ERC1: variants seen among roughly 807,000 people sequenced by gnomAD.
ERC1 encodes ELKS/RAB6-interacting/CAST family member 1, also known as RAB6 interacting protein 2.
ERC1 carries 56 observed loss-of-function variants against 132.0 expected under a neutral mutation model. That is an observed-to-expected ratio of 0.42 (90% CI 0.34 to 0.53). The LOEUF (loss-of-function observed/expected upper bound fraction) is 0.53. Among genes scored for constraint, ERC1 ranks in the 20% least tolerant of loss-of-function variants. The pLI is 0.03. For missense variants in ERC1, 1,202 were observed against 1,349.9 expected, an observed-to-expected ratio of 0.89 and a Z score of 1.72; for synonymous variants, 478 against 476.1, an observed-to-expected ratio of 1.00 and a Z score of -0.05.
At chr12:1,299,691 A>C (rs941476932) in intron 15 of ERC1, among the ~76,000 whole-genome samples, 1 of 151,864 alleles carries the variant, frequency 6.6e-6, no homozygotes, top group Non-Finnish European at 1.5e-5. Flanking sequence ...AAAATTCACA[A>C]AATTCATAAC....
Position 1,135,106 on chromosome 12 carries a change from GAAC to G in ERC1, c.1570-6512_1570-6510del, listed in dbSNP as rs201134595. Among the ~76,000 whole-genome samples the G allele has an allele frequency of 4.6e-3, 708 of 152,302 alleles. 5 individuals are homozygous for G. The highest frequency in any genetic ancestry group is 0.016 in the African/African-American group (683 of 41,566). ...GAATGGTAATGGAAGGGAACATTCA[GAAC>G]ATTTGGGTGCCTGAGGCTTCTCTAG... is the stretch of plus-strand genomic sequence containing the variant. On this transcript the variant is annotated intron_variant, in intron 7 of 18. Transcript: ENST00000360905.
intron 15 of ERC1, among the ~76,000 whole-genome samples, chr12:1,334,502 A>G (rs2083144894): frequency 1.3e-5 from 2 of 152,148 alleles, no homozygotes; most frequent in Admixed American, 6.5e-5. Context: ...CCTTTCCTTC[A>G]TTGCTTGCTT....
chr12:1,235,486 G>A (rs1268557542), intron 12 of ERC1, among the ~76,000 whole-genome samples: 1 of 152,126 alleles, frequency 6.6e-6, no homozygotes, highest in Non-Finnish European at 1.5e-5. Context: ...ATACCTATAA[G>A]TCATTAAGAA....
At chr12:1,232,315 G>A (rs1309166916) in intron 12 of ERC1, among the ~76,000 whole-genome samples, 1 of 152,142 alleles carries the variant, frequency 6.6e-6, no homozygotes, top group Non-Finnish European at 1.5e-5. Flanking sequence ...TTGAGCTTTT[G>A]AGCTTCATGA....
intron 4 of ERC1, among the ~76,000 whole-genome samples, chr12:1,105,205 G>T (rs531232036): frequency 1.3e-5 from 2 of 152,056 alleles, no homozygotes; most frequent in Admixed American, 6.6e-5. Flanking sequence ...ATAGTGTTCC[G>T]TGAAGAAAAT....
chr12:1,365,931 G>A (rs1213681062), intron 15 of ERC1, among the ~76,000 whole-genome samples: 3 of 152,162 alleles, frequency 2.0e-5, no homozygotes, highest in Non-Finnish European at 1.5e-5. Context: ...GATGAACCTT[G>A]AAAACATCAT....
intron 17 of ERC1, among the ~76,000 whole-genome samples, chr12:1,416,083 C>G (rs939389477): frequency 2.6e-5 from 4 of 152,206 alleles, no homozygotes; most frequent in Non-Finnish European, 1.5e-5. Flanking sequence ...ATTTTCCAGT[C>G]TAGTTCCTTG....
intron 15 of ERC1, among the ~76,000 whole-genome samples, chr12:1,349,500 T>TA: frequency 6.6e-6 from 1 of 151,878 alleles, no homozygotes; most frequent in African/African-American, 2.4e-5. Flanking sequence ...CCCTCTCTAC[T>TA]AAAAAATACA....
At chr12:1,359,575 C>T (rs886207906) in intron 15 of ERC1, among the ~76,000 whole-genome samples, 4 of 152,110 alleles carry the variant, frequency 2.6e-5, no homozygotes, top group Non-Finnish European at 5.9e-5. Context: ...GGCCACACCC[C>T]GCTTCCTCGT....
intron 16 of ERC1, among the ~76,000 whole-genome samples, chr12:1,403,202 T>G (rs931376720): frequency 2.6e-5 from 4 of 152,226 alleles, no homozygotes; most frequent in South Asian, 4.1e-4. Flanking sequence ...CCTTCTTCCC[T>G]TCTTCCTTTT....
rs553132623 is a variant in ERC1, at chr12:1,458,466, C to T, written c.3213+13716C>T. 7.9e-5 allele frequency among the ~76,000 whole-genome samples: 12 copies of T among 151,200 alleles called. No individual in the cohort carries two copies. The East Asian group carries it at 2.3e-3, about 29-fold the overall frequency. The stretch of plus-strand genomic sequence containing the variant: ...TTAACAGATAAATAGATTTAGATTT[C>T]TCTGTGTGTATGTGTGTTTATATAT... On this transcript the variant is annotated intron_variant, in intron 18 of 18. Transcript: ENST00000360905.
chr12:1,103,881 A>T lies in ERC1; in HGVS notation c.1087-869A>T, dbSNP rs117217438. Among the ~76,000 whole-genome samples, 656 of 152,238 alleles carry T rather than the reference A, an allele frequency of 4.3e-3. 4 individuals carry two copies. Among genetic ancestry groups the T allele is most frequent in the Non-Finnish European group, 7.8e-3 (533 of 68,010 alleles). The stretch of plus-strand genomic sequence containing the variant: ...ATGTAGAGTTTGAAATGTTTGTTGG[A>T]CATGAAAGTGAGATGACTAGGTGGA... On this transcript the variant is annotated intron_variant, in intron 3 of 18. Coordinates refer to ENST00000360905, the MANE Select transcript of ERC1 (RefSeq NM_178040.4).
intron 18 of ERC1, among the ~76,000 whole-genome samples, chr12:1,465,461 A>T (rs1344705503): frequency 6.6e-6 from 1 of 152,238 alleles, no homozygotes; most frequent in Non-Finnish European, 1.5e-5. Context: ...GGCACTCAGC[A>T]CACCTGAAGG....
In ERC1 at chr12:1,493,631, G is replaced by C. The variant is rs2094339058; in HGVS notation, c.*3401G>C. ...CTCTAACCTTTTAACCTTTGTCCTT[G>C]CACTTTACAATCTAAAGATCTACCT... On this transcript the variant is annotated 3_prime_UTR_variant, in exon 19 of 19. Transcript: ENST00000360905. 2 of 115,026 alleles carry C rather than the reference G, an allele frequency of 1.7e-5. No homozygotes were observed. Among genetic ancestry groups the C allele is most frequent in the African/African-American group, 6.5e-5 (2 of 30,678 alleles). The allele number at this position is 115,026 out of a possible 1,614,324, so 7.1% of individuals were successfully genotyped here. A position where few individuals can be genotyped will look rare whatever the true frequency, so the allele number is the denominator to read the frequency against.
chr12:1,236,160 G>A (rs903075749), intron 12 of ERC1, among the ~76,000 whole-genome samples: 9 of 151,880 alleles, frequency 5.9e-5, no homozygotes, highest in African/African-American at 1.5e-4. Context: ...AATAATAAAA[G>A]CAAAGGGATT....
intron 3 of ERC1, among the ~76,000 whole-genome samples, chr12:1,084,299 C>A (rs1942657315): frequency 6.6e-6 from 1 of 152,174 alleles, no homozygotes; most frequent in Non-Finnish European, 1.5e-5. Context: ...AGGTAATTTT[C>A]ACTTTTGGGC....
chr12:1,309,514 A>G (rs142099268), intron 15 of ERC1, among the ~76,000 whole-genome samples: 55 of 152,272 alleles, frequency 3.6e-4, no homozygotes, highest in African/African-American at 1.3e-3. Flanking sequence ...TATCAGAATG[A>G]TTATGAATTT....
At chr12:1,292,548 C>G (rs909853223) in intron 15 of ERC1, among the ~76,000 whole-genome samples, 1 of 152,154 alleles carries the variant, frequency 6.6e-6, no homozygotes, top group African/African-American at 2.4e-5. Flanking sequence ...ATCCAAATAT[C>G]TCTGTGTTAA....
At chr12:1,442,022 G>T (rs2093169280) in intron 17 of ERC1, among the ~76,000 whole-genome samples, 1 of 152,100 alleles carries the variant, frequency 6.6e-6, no homozygotes, top group Non-Finnish European at 1.5e-5. Flanking sequence ...CCGCTTCCCG[G>T]GTTCAAGCGA....
Sources: allele counts gnomAD v4.1 joint callset (sites outside exome capture counted in the v4.1 genomes callset), GRCh38; gene constraint gnomAD v4.1.1; transcripts MANE v1.5; gene names NCBI Gene and HGNC (gene_info 2026-07-23, HGNC 2026-07-21).